AP1M2: variants seen among roughly 807,000 people sequenced by gnomAD.
AP1M2 encodes the protein adaptor related protein complex 1 subunit mu 2.
In AP1M2, 41 loss-of-function variants were observed where a neutral mutation model predicts 54.6. That is an observed-to-expected ratio of 0.75 (90% CI 0.59 to 0.97). The LOEUF is 0.97. AP1M2 is among the 50% of genes least tolerant of loss of function. The pLI, the probability that AP1M2 is intolerant of heterozygous loss-of-function variation, is 0.00. For missense variants in AP1M2, 507 were observed against 561.2 expected, an observed-to-expected ratio of 0.90 and a Z score of 0.98; for synonymous variants, 219 against 215.9, an observed-to-expected ratio of 1.01 and a Z score of -0.13.
intron 6 of AP1M2, 64 bp from the exon 7 acceptor site, chr19:10,579,922 C>G: frequency 6.7e-7 from 1 of 1,487,320 alleles, no homozygotes; most frequent in Admixed American, 2.2e-5. Flanking sequence ...CTATCCCCAC[C>G]TTTCCTGCCG....
At chr19:10,584,982 AG>A (rs1342022960) in intron 1 of AP1M2, 4 of 151,948 alleles carry the variant, frequency 2.6e-5, no homozygotes, top group African/African-American at 7.2e-5. Flanking sequence ...ATGAAGACCA[AG>A]GCAGGAGGAT....
chr19:10,574,967 C>T lies in AP1M2; in HGVS notation c.1110G>A (p.Val370=), dbSNP rs759874264. ...TGACCCCGATGGGGGGCCGGCCCTC[C>T]ACCTCTTCCTTTTCCACACTGGGGA... ...FGLPSVEKEE[V]EGRPPIGVKF... is the part of the protein sequence containing the mutation. Residue 370 remains valine, a synonymous_variant, in exon 10 of 12, where the codon GTG becomes GTA. Transcript: ENST00000250244. The T allele has an allele frequency of 6.7e-5, 106 of 1,584,344 alleles. No homozygotes were observed. Among genetic ancestry groups the T allele is most frequent in the Non-Finnish European group, 8.5e-5 (99 of 1,164,074 alleles).
Position 10,581,523 on chromosome 19 carries a change from C to T in AP1M2, c.510G>A (p.Glu170=), listed in dbSNP as rs267605276. The change falls in exon 5 of 12, where the codon GAG becomes GAA. Residue 170 remains glutamate (E), a synonymous_variant. Transcript: ENST00000250244. The stretch of plus-strand genomic sequence containing the variant: ...CAGACTCTATGACATCAATGAAGAC[C>T]TCGTTCTTCTTATACTTGATACCCT... ...RSEGIKYKKN[E]VFIDVIESVN... 3.7e-6 allele frequency: 6 copies of T among 1,613,912 alleles called. No individual in the cohort carries two copies. Among genetic ancestry groups the T allele is most frequent in the Non-Finnish European group, 5.1e-6 (6 of 1,179,888 alleles).
chr19:10,573,209 A>G, intron 11 of AP1M2, 121 bp from the exon 12 acceptor site: 1 of 883,206 alleles, frequency 1.1e-6, no homozygotes, highest in Non-Finnish European at 1.8e-6. Flanking sequence ...ACTTGAGGTC[A>G]GGGGTTCGAG....
At chr19:10,581,082 C>T (rs1917428168) in intron 6 of AP1M2, among the ~76,000 whole-genome samples, 184 bp downstream of exon 6, 1 of 152,166 alleles carries the variant, frequency 6.6e-6, no homozygotes, top group South Asian at 2.1e-4. Flanking sequence ...ACCTGGCACC[C>T]AATAGTCGCT....
chr19:10,581,157 G>A (rs1917432311), intron 6 of AP1M2, 109 bp downstream of exon 6: 3 of 1,446,266 alleles, frequency 2.1e-6, no homozygotes, highest in Admixed American at 4.6e-5. Context: ...AGCAGATGGT[G>A]AGCGAGCGCT....
intron 5 of AP1M2, 32 bp downstream of exon 5, chr19:10,581,455 G>T: frequency 6.2e-7 from 1 of 1,611,616 alleles, no homozygotes; most frequent in Non-Finnish European, 8.5e-7. Flanking sequence ...GCCAGGCCGT[G>T]GAAGGGGTGC....
rs1917336047 is a variant in AP1M2, at chr19:10,578,916, G to A, written c.864C>T (p.His288=). ...CCTTGACCATGATCTCCACGCGGCT[G>A]TGGGAGAACTTCTCAATGACAGACT... ...WIESVIEKFS[H]SRVEIMVKAK... The change falls in exon 8 of 12, where the codon CAC becomes CAT. Residue 288 remains histidine, a synonymous_variant. Coordinates refer to ENST00000250244, the MANE Select transcript of AP1M2 (RefSeq NM_005498.5). 4.4e-6 allele frequency: 7 copies of A among 1,608,782 alleles called. 1 individual carries two copies. The highest frequency in any genetic ancestry group is 2.2e-5 in the East Asian group (1 of 44,738).
chr19:10,582,071 T>A (rs941617347), intron 3 of AP1M2, among the ~76,000 whole-genome samples, 193 bp from the exon 4 acceptor site: 4 of 151,666 alleles, frequency 2.6e-5, no homozygotes, highest in Non-Finnish European at 5.9e-5. Context: ...TTCGAGACAG[T>A]CTCGCACTGT....
chr19:10,585,495 G>C (rs1568434990), intron 1 of AP1M2, among the ~76,000 whole-genome samples: 1 of 151,864 alleles, frequency 6.6e-6, no homozygotes, highest in Non-Finnish European at 1.5e-5. Flanking sequence ...TCAAGAGTTC[G>C]AGACCATCCA....
intron 1 of AP1M2, among the ~76,000 whole-genome samples, chr19:10,585,278 A>AAGAAGGAAG (rs1568434668): frequency 5.9e-5 from 2 of 34,126 alleles, no homozygotes; most frequent in African/African-American, 3.4e-4. Context: ...GAAAGAAAGA[A>AAGAAGGAAG]GAAAAAAAGA....
At position 10,579,440 on chromosome 19, in the gene AP1M2, A is replaced by T. The variant is rs572552765; in HGVS notation, c.816+276T>A. 2.0e-4 allele frequency among the ~76,000 whole-genome samples: 31 copies of T among 152,058 alleles called. No individual in the cohort carries two copies. The East Asian group carries it at 2.9e-3, about 14-fold the overall frequency. On this transcript the variant is annotated intron_variant, in intron 7 of 11. Coordinates refer to ENST00000250244, the MANE Select transcript of AP1M2 (RefSeq NM_005498.5). Reference sequence around the variant, plus strand: ...CAAAAAAATAATAATAATAAAAATTAAAAAAAACAAATAAAGCAATTCTCC... The same window carrying T: ...CAAAAAAATAATAATAATAAAAATTTAAAAAAACAAATAAAGCAATTCTCC...
At position 10,579,841 on chromosome 19, in the gene AP1M2, C is replaced by T. The variant is rs1917375039; in HGVS notation, c.691G>A (p.Val231Ile). ...TGGAATTTTACATCCTCCAGCTCTACTGATTTGTTCTTGCTGCCTGAAACT... is the reference window on the plus strand; with the variant it reads ...TGGAATTTTACATCCTCCAGCTCTATTGATTTGTTCTTGCTGCCTGAAACT... ...ELTGRSKNKS[V>I]ELEDVKFHQC... The change falls in exon 7 of 12, where the codon GTA (valine) becomes ATA (isoleucine). Residue 231 changes from valine (V) to isoleucine (I), a missense_variant. Val to Ile is a conservative substitution (Grantham distance 29). Coordinates refer to ENST00000250244, the MANE Select transcript of AP1M2 (RefSeq NM_005498.5). 6.2e-7 allele frequency: 1 copy of T among 1,610,164 alleles called. No individual in the cohort carries two copies. The highest frequency in any genetic ancestry group is 1.3e-5 in the African/African-American group (1 of 74,696).
intron 3 of AP1M2, 92 bp downstream of exon 3, chr19:10,583,514 C>CT (rs1917529932): frequency 9.9e-7 from 1 of 1,013,680 alleles, no homozygotes; most frequent in Admixed American, 2.3e-5. Flanking sequence ...TCTGGGAAGG[C>CT]TTCCTATCAG....
Position 10,581,771 on chromosome 19 carries a change from G to A in AP1M2, c.375C>T (p.Thr125=), listed in dbSNP as rs781602013. ...DELMDFGFPQ[T]TDSKILQEYI... is the part of the protein sequence containing the mutation. The stretch of plus-strand genomic sequence containing the variant: ...ACTCCTGCAGGATCTTGCTGTCGGT[G>A]GTCTGCGGGAAGCCAAAGTCCATGA... Residue 125 remains threonine (T), a synonymous_variant, in exon 4 of 12, where the codon ACC becomes ACT. Transcript: ENST00000250244. The A allele has an allele frequency of 3.0e-5, 48 of 1,613,730 alleles. No homozygotes were observed. Among genetic ancestry groups the A allele is most frequent in the Non-Finnish European group, 4.0e-5 (47 of 1,179,990 alleles).
intron 7 of AP1M2, 94 bp downstream of exon 7, chr19:10,579,622 G>T (rs1917367644): frequency 7.2e-7 from 1 of 1,382,240 alleles, no homozygotes; most frequent in Non-Finnish European, 9.7e-7. Context: ...CAAAATTGTT[G>T]GGATTACAGG....
In AP1M2 at chr19:10,577,423, CTTTTTTTTTTTTTTT is replaced by C. The variant is rs386388547; in HGVS notation, c.889-82_889-68del. The C allele has an allele frequency of 1.9e-3, 703 of 371,224 alleles. 7 individuals carry two copies. The African/African-American group carries it at 0.027, about 14-fold the overall frequency. The allele number at this position is 371,224 out of a possible 1,614,324, so 23.0% of individuals were successfully genotyped here. A position where few individuals can be genotyped will look rare whatever the true frequency, so the allele number is the denominator to read the frequency against. Reference sequence around the variant, plus strand: ...TCATCCTTCAAATATTTACCAAGCCCTTTTTTTTTTTTTTTTTTTTTTTTTTTTGAGACGGAGTCT... The same window carrying C: ...TCATCCTTCAAATATTTACCAAGCCCTTTTTTTTTTTTTGAGACGGAGTCT... On this transcript the variant is annotated intron_variant, in intron 8 of 11. Coordinates refer to ENST00000250244, the MANE Select transcript of AP1M2 (RefSeq NM_005498.5).
chr19:10,579,544 G>A (rs1223261298), intron 7 of AP1M2, among the ~76,000 whole-genome samples, 172 bp downstream of exon 7: 4 of 152,188 alleles, frequency 2.6e-5, no homozygotes, highest in African/African-American at 7.2e-5. Context: ...AGTAGAGACA[G>A]GGCTTCACCC....
At chr19:10,577,734 C>CTTTTTTTTTTT (rs61052727) in intron 8 of AP1M2, among the ~76,000 whole-genome samples, 2 of 113,518 alleles carry the variant, frequency 1.8e-5, no homozygotes, top group Non-Finnish European at 3.6e-5. Flanking sequence ...CATGCTTGGC[C>CTTTTTTTTTTT]TTTTTTTTTT....
Sources: allele counts gnomAD v4.1 joint callset (sites outside exome capture counted in the v4.1 genomes callset), GRCh38; gene constraint gnomAD v4.1.1; transcripts MANE v1.5; gene names NCBI Gene and HGNC (gene_info 2026-07-23, HGNC 2026-07-21).